Variants in KIAA0825 observed in about 807,000 individuals in gnomAD.
KIAA0825 encodes the protein KIAA0825.
A neutral mutation model predicts 147.6 loss-of-function variants in KIAA0825; 119 were observed. The ratio of observed to expected loss-of-function variants is 0.81; its 90% CI spans 0.69 to 0.94. The LOEUF is 0.94. Among genes scored for constraint, KIAA0825 ranks in the 40% least tolerant of loss-of-function variants. The probability of loss-of-function intolerance (pLI) is 0.00; values close to 1 mark genes in which losing one functional copy is unlikely to be tolerated. For synonymous variants in KIAA0825, 470 were observed against 518.1 expected, an observed-to-expected ratio of 0.91 and a Z score of 1.26; for missense variants, 1,381 against 1,472.7, an observed-to-expected ratio of 0.94 and a Z score of 1.02.
chr5:94,223,511 C>T (rs894676164), intron 20 of KIAA0825, among the ~76,000 whole-genome samples: 2 of 152,172 alleles, frequency 1.3e-5, no homozygotes, highest in Admixed American at 1.3e-4. Context: ...CATATTCTTC[C>T]CCTACAGGAA....
intron 20 of KIAA0825, among the ~76,000 whole-genome samples, chr5:94,314,886 G>A (rs1205122755): frequency 6.6e-6 from 1 of 151,454 alleles, no homozygotes; most frequent in African/African-American, 2.4e-5. Context: ...TTCAGCTTCT[G>A]TTCTTACATT....
At chr5:94,176,227 A>G (rs941799040) in intron 20 of KIAA0825, among the ~76,000 whole-genome samples, 3 of 152,062 alleles carry the variant, frequency 2.0e-5, no homozygotes, top group Non-Finnish European at 2.9e-5. Flanking sequence ...CAGGTTTTTA[A>G]AAAAGAGCCT....
intron 5 of KIAA0825, among the ~76,000 whole-genome samples, chr5:94,489,792 A>G (rs1021838714): frequency 2.0e-5 from 3 of 151,268 alleles, no homozygotes; most frequent in Non-Finnish European, 4.4e-5. Context: ...AGGCTGAGGC[A>G]TGAGAATCAC....
intron 1 of KIAA0825, among the ~76,000 whole-genome samples, chr5:94,583,794 A>G (rs1452965501): frequency 6.6e-6 from 1 of 152,008 alleles, no homozygotes; most frequent in Non-Finnish European, 1.5e-5. Context: ...GACACCTCAT[A>G]TAGGCAGGTG....
intron 1 of KIAA0825, among the ~76,000 whole-genome samples, chr5:94,600,855 G>A (rs937351208): frequency 1.9e-4 from 29 of 152,232 alleles, no homozygotes; most frequent in African/African-American, 6.0e-4. Flanking sequence ...TCACTGGATG[G>A]GACTTCCTAA....
At chr5:94,371,618 G>T (rs975283610) in intron 20 of KIAA0825, among the ~76,000 whole-genome samples, 1 of 152,036 alleles carries the variant, frequency 6.6e-6, no homozygotes, top group South Asian at 2.1e-4. Context: ...GAACAGTATG[G>T]GGGAAACCAC....
chr5:94,411,509 C>A (rs1392193971), intron 15 of KIAA0825, among the ~76,000 whole-genome samples: 1 of 152,156 alleles, frequency 6.6e-6, no homozygotes, highest in Non-Finnish European at 1.5e-5. Context: ...AGAACCTCAA[C>A]ATTTATCTCA....
intron 20 of KIAA0825, among the ~76,000 whole-genome samples, chr5:94,345,458 A>G (rs1221566635): frequency 6.6e-6 from 1 of 152,288 alleles, no homozygotes; most frequent in East Asian, 1.9e-4. Flanking sequence ...GTGGCTTTGG[A>G]GTCAACTGTC....
At chr5:94,252,907 T>C (rs188735141) in intron 20 of KIAA0825, among the ~76,000 whole-genome samples, 1 of 152,198 alleles carries the variant, frequency 6.6e-6, no homozygotes, top group Non-Finnish European at 1.5e-5. Flanking sequence ...ACAGCATAAC[T>C]ACCTTCGGTA....
chr5:94,168,634 G>A (rs1421833608), intron 20 of KIAA0825, among the ~76,000 whole-genome samples: 2 of 152,142 alleles, frequency 1.3e-5, no homozygotes, highest in Non-Finnish European at 2.9e-5. Context: ...ATTTCCACCA[G>A]TGGATCTTAA....
At chr5:94,449,685 T>A (rs1204529628) in intron 13 of KIAA0825, among the ~76,000 whole-genome samples, 1 of 152,214 alleles carries the variant, frequency 6.6e-6, no homozygotes, top group African/African-American at 2.4e-5. Context: ...CTCAAAGCTA[T>A]AGATGCAGCA....
In KIAA0825 at chr5:94,396,513, G is replaced by A; in HGVS notation, c.2888-4C>T. On this transcript the variant is annotated splice_region_variant and splice_polypyrimidine_tract_variant and intron_variant, in intron 16 of 20. Coordinates refer to ENST00000682413, the MANE Select transcript of KIAA0825 (RefSeq NM_001145678.3). ...TGAGCAGTAAGCCTTGTGAAGCCTG[G>A]GGAAGAAAAGAAAAGGTATGATTAA... 6.8e-7 allele frequency: 1 copy of A among 1,470,016 alleles called. No homozygotes were observed. Among genetic ancestry groups the A allele is most frequent in the Non-Finnish European group, 9.0e-7 (1 of 1,112,020 alleles). 91.1% of individuals were successfully genotyped at this position (1,470,016 alleles called of 1,614,324 possible).
At chr5:94,599,335 T>TG (rs1358735142) in intron 1 of KIAA0825, among the ~76,000 whole-genome samples, 10 of 149,446 alleles carry the variant, frequency 6.7e-5, no homozygotes, top group Admixed American at 2.0e-4. Flanking sequence ...ATTTGGGTTT[T>TG]TTTTTTTTTT....
chr5:94,578,942 CAG>C (rs1391035297), intron 2 of KIAA0825, among the ~76,000 whole-genome samples: 1 of 152,022 alleles, frequency 6.6e-6, no homozygotes, highest in Non-Finnish European at 1.5e-5. Context: ...TTTTTTGAGA[CAG>C]AGTCAGACTC....
chr5:94,181,858 A>C (rs111656766), intron 20 of KIAA0825, among the ~76,000 whole-genome samples: 308 of 152,296 alleles, frequency 2.0e-3, no homozygotes, highest in Non-Finnish European at 3.5e-3. Flanking sequence ...AAGGATACTT[A>C]GTGTGGGATA....
chr5:94,263,462 T>C (rs893443435), intron 20 of KIAA0825, among the ~76,000 whole-genome samples: 2 of 152,164 alleles, frequency 1.3e-5, no homozygotes, highest in African/African-American at 4.8e-5. Flanking sequence ...GTTTTGGCAC[T>C]CCTGCTTCCA....
At chr5:94,427,890 T>C (rs1468122535) in intron 14 of KIAA0825, among the ~76,000 whole-genome samples, 1 of 152,164 alleles carries the variant, frequency 6.6e-6, no homozygotes, top group East Asian at 1.9e-4. Flanking sequence ...GGTGCTCCAA[T>C]GTTGAGTGTG....
rs1404277924 is a variant in KIAA0825 at position 94,417,219 on chromosome 5, A to T, written c.2644T>A (p.Phe882Ile). 9.0e-6 allele frequency: 14 copies of T among 1,550,790 alleles called. No individual in the cohort carries two copies. The highest frequency in any genetic ancestry group is 1.2e-5 in the Non-Finnish European group (14 of 1,146,464). ...SYMEEEQLWD[F>I]LYNIPVSTCV... ...CTCATACCTGGGATGTTATATAAAAAGTCCCATAATTGCTCTTCTTCCATG... is the reference window on the plus strand; with the variant it reads ...CTCATACCTGGGATGTTATATAAAATGTCCCATAATTGCTCTTCTTCCATG... The change falls in exon 15 of 21, where the codon TTT becomes ATT. Residue 882 changes from phenylalanine (F) to isoleucine (I), a missense_variant. Coordinates refer to ENST00000682413, the MANE Select transcript of KIAA0825 (RefSeq NM_001145678.3).
chr5:94,187,201 T>C (rs922337400), intron 20 of KIAA0825, among the ~76,000 whole-genome samples: 8 of 151,896 alleles, frequency 5.3e-5, no homozygotes, highest in African/African-American at 9.7e-5. Flanking sequence ...TAGGGAGTTG[T>C]TGAGTAGGAA....
Sources: allele counts gnomAD v4.1 joint callset (sites outside exome capture counted in the v4.1 genomes callset), GRCh38; gene constraint gnomAD v4.1.1; transcripts MANE v1.5; gene names NCBI Gene and HGNC (gene_info 2026-07-23, HGNC 2026-07-21).